The following SEMA3E variants were observed in gnomAD, a reference collection of about 807,000 sequenced individuals.
The protein encoded by SEMA3E is semaphorin 3E.
Under a neutral mutation model 93.6 loss-of-function variants are expected in SEMA3E, and 49 were observed. That is an observed-to-expected ratio of 0.52 (90% confidence interval 0.42 to 0.66). The LOEUF (loss-of-function observed/expected upper bound fraction) is 0.66, where lower values mean the gene tolerates loss of function less well. Ranked by LOEUF, SEMA3E falls within the 30% of genes least tolerant of loss-of-function variation. The pLI is 0.00. For missense variants in SEMA3E, 906 were observed against 964.8 expected (o/e 0.94, Z 0.81); for synonymous variants, 363 against 330.7 (o/e 1.10, Z -1.06).
At chr7:83,433,717 G>C (rs940492226) in intron 4 of SEMA3E, among the ~76,000 whole-genome samples, 1 of 152,016 alleles carries the variant, frequency 6.6e-6, no homozygotes. Flanking sequence ...ATTTCTAGAG[G>C]TGTTAAATGT....
At chr7:83,421,772 T>C (rs774708439) in intron 4 of SEMA3E, among the ~76,000 whole-genome samples, 1 of 119,852 alleles carries the variant, frequency 8.3e-6, no homozygotes, top group Non-Finnish European at 2.0e-5. Flanking sequence ...CCCTTTTCTC[T>C]TTCTCTGTGA....
chr7:83,589,085 A>T (rs538875044), intron 1 of SEMA3E, among the ~76,000 whole-genome samples: 248 of 152,268 alleles, frequency 1.6e-3, no homozygotes, highest in African/African-American at 5.8e-3. Context: ...GATTAGCATC[A>T]AGCGCCGCCT....
In SEMA3E at chr7:83,463,411, C is replaced by T. The variant is rs1214352310; in HGVS notation, c.456+3071G>A. Among the ~76,000 whole-genome samples the T allele has an allele frequency of 2.0e-5, 3 of 152,110 alleles. No individual in the cohort carries two copies. The East Asian group carries it at 5.8e-4, about 29-fold the overall frequency. ...CATAACTTCCAAAATCTATTTTCTT[C>T]CTCATACCTGACGCATATACTTTCT... On this transcript the variant is annotated intron_variant, in intron 4 of 16. Coordinates refer to ENST00000643230, the MANE Select transcript of SEMA3E (RefSeq NM_012431.3).
At chr7:83,394,525 C>T (rs1290312918) in intron 12 of SEMA3E, among the ~76,000 whole-genome samples, 187 bp from the exon 13 acceptor site, 3 of 152,070 alleles carry the variant, frequency 2.0e-5, no homozygotes, top group Admixed American at 6.6e-5. Flanking sequence ...TTGTTTCTAA[C>T]AGGGTGGGCA....
intron 4 of SEMA3E, among the ~76,000 whole-genome samples, chr7:83,439,315 G>T (rs2115777023): frequency 6.6e-6 from 1 of 152,312 alleles, no homozygotes; most frequent in East Asian, 1.9e-4. Flanking sequence ...GAACTGGACA[G>T]CTGCGAGGGA....
At chr7:83,493,654 C>T (rs878911311) in intron 1 of SEMA3E, among the ~76,000 whole-genome samples, 1 of 151,870 alleles carries the variant, frequency 6.6e-6, no homozygotes, top group Admixed American at 6.6e-5. Flanking sequence ...CTGACCAATG[C>T]CATTCAACAA....
chr7:83,432,201 G>T (rs1006351792), intron 4 of SEMA3E, among the ~76,000 whole-genome samples: 18 of 151,738 alleles, frequency 1.2e-4, no homozygotes, highest in Admixed American at 2.0e-4. Flanking sequence ...CCTCTACCAG[G>T]CTCTGAATAA....
At chr7:83,498,570 T>C (rs1274671704) in intron 1 of SEMA3E, among the ~76,000 whole-genome samples, 1 of 151,870 alleles carries the variant, frequency 6.6e-6, no homozygotes, top group Non-Finnish European at 1.5e-5. Context: ...CTCCACCTCC[T>C]GGGTTCAAGC....
At chr7:83,486,258 C>A (rs1343239647) in intron 2 of SEMA3E, among the ~76,000 whole-genome samples, 1 of 152,042 alleles carries the variant, frequency 6.6e-6, no homozygotes, top group Non-Finnish European at 1.5e-5. Flanking sequence ...ATTATCATGA[C>A]TGTGGAGAGG....
At position 83,510,752 on chromosome 7, in the gene SEMA3E, T is replaced by G. The variant is rs561230005; in HGVS notation, c.116-20478A>C. Among the ~76,000 whole-genome samples, 229 of 152,286 alleles carry G rather than the reference T, an allele frequency of 1.5e-3. 1 individual carries two copies. The highest frequency in any genetic ancestry group is 5.4e-3 in the African/African-American group (224 of 41,568). ...ACAAAATCTGGTAGTTGTGTAAAAC[T>G]GCCCTAAAAGCTACAAAGCAAATGT... On this transcript the variant is annotated intron_variant, in intron 1 of 16. Transcript: ENST00000643230.
At chr7:83,566,143 G>A (rs1461615517) in intron 1 of SEMA3E, among the ~76,000 whole-genome samples, 1 of 150,702 alleles carries the variant, frequency 6.6e-6, no homozygotes, top group Non-Finnish European at 1.5e-5. Context: ...GACTACAGGC[G>A]GCCGTCACCA....
chr7:83,564,793 C>T (rs1414524453), intron 1 of SEMA3E, among the ~76,000 whole-genome samples: 1 of 151,554 alleles, frequency 6.6e-6, no homozygotes, highest in Admixed American at 6.6e-5. Context: ...ACATGGTTGG[C>T]TAAAAAAAGG....
intron 1 of SEMA3E, among the ~76,000 whole-genome samples, chr7:83,644,183 T>A (rs865792343): frequency 7.6e-6 from 1 of 131,638 alleles, no homozygotes; most frequent in Non-Finnish European, 1.6e-5. Context: ...CAAATCGATA[T>A]GTGTACACTA....
intron 1 of SEMA3E, among the ~76,000 whole-genome samples, chr7:83,610,237 C>T (rs1290511541): frequency 2.0e-5 from 3 of 151,850 alleles, no homozygotes; most frequent in African/African-American, 7.2e-5. Context: ...TAATTTTCAC[C>T]CTCTGTAGGC....
intron 4 of SEMA3E, among the ~76,000 whole-genome samples, chr7:83,423,572 C>T (rs1407700677): frequency 3.3e-5 from 5 of 149,318 alleles, no homozygotes; most frequent in Admixed American, 2.7e-4. Flanking sequence ...GGCACCATCT[C>T]GGCTCACTGC....
At chr7:83,437,821 G>T (rs988406539) in intron 4 of SEMA3E, among the ~76,000 whole-genome samples, 3 of 152,100 alleles carry the variant, frequency 2.0e-5, no homozygotes, top group Admixed American at 6.6e-5. Context: ...ATTCTAGAAA[G>T]CAAGGAAACT....
intron 1 of SEMA3E, among the ~76,000 whole-genome samples, chr7:83,576,617 C>A (rs147512235): frequency 0.012 from 1,857 of 151,986 alleles, 18 homozygotes; most frequent in Non-Finnish European, 0.02. Context: ...ATCTATCTCT[C>A]TATATATAAT....
At chr7:83,627,799 G>A (rs754035283) in intron 1 of SEMA3E, among the ~76,000 whole-genome samples, 2 of 151,876 alleles carry the variant, frequency 1.3e-5, no homozygotes, top group Non-Finnish European at 2.9e-5. Context: ...TTTAATTGGG[G>A]CATTTACCCA....
At chr7:83,509,552 AAAAC>A (rs1476717578) in intron 1 of SEMA3E, among the ~76,000 whole-genome samples, 4 of 152,162 alleles carry the variant, frequency 2.6e-5, no homozygotes, top group Admixed American at 2.0e-4. Context: ...AAACAAAACA[AAAAC>A]AAACAAAAAA....
Sources: gnomAD v4.1 joint callset for allele counts (sites outside exome capture counted in the v4.1 genomes callset) on GRCh38, gnomAD v4.1.1 for gene constraint, MANE v1.5 for transcripts, NCBI Gene and HGNC (gene_info 2026-07-23, HGNC 2026-07-21) for gene names.